The following NDST3 variants were observed in gnomAD, a reference collection of about 807,000 sequenced individuals.
NDST3 encodes the protein N-deacetylase and N-sulfotransferase 3, also known as bifunctional heparan sulfate N-deacetylase/N-sulfotransferase 3.
NDST3 carries 58 observed loss-of-function variants against 96.1 expected under a neutral mutation model. The ratio of observed to expected loss-of-function variants is 0.60; its 90% CI spans 0.49 to 0.75. The LOEUF (loss-of-function observed/expected upper bound fraction) is 0.75, where lower values mean the gene tolerates loss of function less well. NDST3 is among the 30% of genes least tolerant of loss of function. The pLI is 0.00. For synonymous variants in NDST3, 333 were observed against 359.7 expected, an observed-to-expected ratio of 0.93 and a Z score of 0.84; for missense variants, 788 against 1,034.2, an observed-to-expected ratio of 0.76 and a Z score of 3.27.
intron 2 of NDST3, among the ~76,000 whole-genome samples, chr4:118,088,961 A>G (rs958426493): frequency 3.3e-5 from 5 of 151,960 alleles, no homozygotes; most frequent in African/African-American, 9.7e-5. Context: ...GGTCTACTCA[A>G]TTAAAGCAAT....
chr4:118,242,178 A>G, intron 12 of NDST3, 29 bp downstream of exon 12: 2 of 1,424,528 alleles, frequency 1.4e-6, no homozygotes, highest in South Asian at 1.2e-5. Context: ...TAGTTTATTG[A>G]CATTTCAGCA....
At chr4:118,100,401 C>T (rs1421897232) in intron 2 of NDST3, among the ~76,000 whole-genome samples, 2 of 151,986 alleles carry the variant, frequency 1.3e-5, no homozygotes, top group Non-Finnish European at 2.9e-5. Flanking sequence ...CTCCAGCTTG[C>T]CTCCACAACC....
chr4:118,209,057 G>A (rs1344928974), intron 6 of NDST3, among the ~76,000 whole-genome samples: 3 of 151,990 alleles, frequency 2.0e-5, no homozygotes, highest in African/African-American at 7.3e-5. Context: ...TTTTCATGTA[G>A]GTCAATTTTC....
At chr4:118,059,082 CCT>C (rs1452525134) in intron 2 of NDST3, among the ~76,000 whole-genome samples, 1 of 152,070 alleles carries the variant, frequency 6.6e-6, no homozygotes, top group Admixed American at 6.6e-5. Context: ...TCTCTCCCTT[CCT>C]CTCTCTCTTT....
rs11933599 is a variant in NDST3 at position 118,151,889 on chromosome 4, G to A, written c.1539+8205G>A. Among the ~76,000 whole-genome samples, 897 of 152,068 alleles carry A rather than the reference G, an allele frequency of 5.9e-3. 12 individuals carry two copies. The highest frequency in any genetic ancestry group is 0.02 in the African/African-American group (836 of 41,476). ...ACTCTGATTTAGAGGCCCCTCCTGC[G>A]TTTCTATAGCATCCTCTGCAGACTC... On this transcript the variant is annotated intron_variant, in intron 6 of 13. Transcript: ENST00000296499.
intron 10 of NDST3, 140 bp from the exon 11 acceptor site, chr4:118,240,384 C>T: frequency 1.6e-6 from 1 of 620,552 alleles, no homozygotes. Flanking sequence ...ACATTTTCTT[C>T]CTTTACTAAT....
intron 3 of NDST3, among the ~76,000 whole-genome samples, chr4:118,106,870 C>G (rs1372082195): frequency 1.3e-5 from 2 of 152,060 alleles, no homozygotes; most frequent in Non-Finnish European, 2.9e-5. Flanking sequence ...GCGGGTGGAT[C>G]GCGAGGTCAG....
intron 8 of NDST3, among the ~76,000 whole-genome samples, chr4:118,231,342 A>AC (rs1376338857): frequency 3.0e-5 from 2 of 66,876 alleles, no homozygotes; most frequent in Non-Finnish European, 9.6e-5. Context: ...TCTAAAAAAA[A>AC]ATAAATAAAT....
At chr4:118,138,432 G>A (rs987969078) in intron 5 of NDST3, among the ~76,000 whole-genome samples, 193 bp downstream of exon 5, 2 of 152,078 alleles carry the variant, frequency 1.3e-5, no homozygotes, top group African/African-American at 4.8e-5. Flanking sequence ...AAATATAACT[G>A]AAAAAGGTTT....
At chr4:118,149,766 G>T (rs1200400041) in intron 6 of NDST3, among the ~76,000 whole-genome samples, 13 of 151,610 alleles carry the variant, frequency 8.6e-5, no homozygotes, top group Admixed American at 8.5e-4. Flanking sequence ...CTGCCTAATT[G>T]CCCTGGCCAG....
intron 8 of NDST3, 71 bp downstream of exon 8, chr4:118,227,053 A>G (rs1252981074): frequency 1.9e-6 from 2 of 1,032,500 alleles, no homozygotes; most frequent in Non-Finnish European, 3.0e-6. Context: ...TCTTGTCACA[A>G]TAAGTTCGTA....
intron 6 of NDST3, among the ~76,000 whole-genome samples, chr4:118,218,996 T>A (rs890104527): frequency 1.3e-5 from 2 of 151,664 alleles, no homozygotes; most frequent in Non-Finnish European, 2.9e-5. Flanking sequence ...CAAAGGACCC[T>A]CTTCAAGGAG....
chr4:118,116,700 TACAA>T (rs1007698721), intron 4 of NDST3, among the ~76,000 whole-genome samples: 6 of 151,716 alleles, frequency 4.0e-5, no homozygotes, highest in African/African-American at 1.5e-4. Context: ...TACTAAAAAA[TACAA>T]ACAATTAGCC....
At chr4:118,066,043 T>C (rs556935617) in intron 2 of NDST3, among the ~76,000 whole-genome samples, 11 of 128,360 alleles carry the variant, frequency 8.6e-5, no homozygotes, top group Admixed American at 9.9e-5. Flanking sequence ...AGTTCTTCAC[T>C]ATTCTTTTGG....
At chr4:118,212,155 G>A (rs1738841744) in intron 6 of NDST3, among the ~76,000 whole-genome samples, 1 of 152,152 alleles carries the variant, frequency 6.6e-6, no homozygotes, top group South Asian at 2.1e-4. Flanking sequence ...TTTGGAATTT[G>A]TATGATGACC....
chr4:118,228,637 T>C (rs1256900025), intron 8 of NDST3, among the ~76,000 whole-genome samples: 4 of 152,198 alleles, frequency 2.6e-5, no homozygotes, highest in South Asian at 2.1e-4. Flanking sequence ...AAATGTACAA[T>C]TAGCTGAATT....
chr4:118,086,165 TTC>T (rs1728402108), intron 2 of NDST3, among the ~76,000 whole-genome samples: 1 of 152,198 alleles, frequency 6.6e-6, no homozygotes, highest in Non-Finnish European at 1.5e-5. Context: ...TTCTGTCCCT[TTC>T]ACGCAATGTA....
intron 6 of NDST3, among the ~76,000 whole-genome samples, chr4:118,179,605 C>A (rs896109173): frequency 1.3e-5 from 2 of 151,916 alleles, no homozygotes; most frequent in Admixed American, 1.3e-4. Context: ...TAGCCTTAAA[C>A]CTATTATTGT....
chr4:118,227,956 A>C (rs536877416), intron 8 of NDST3, among the ~76,000 whole-genome samples: 16 of 152,296 alleles, frequency 1.1e-4, no homozygotes, highest in Non-Finnish European at 1.9e-4. Flanking sequence ...ATGAAGCATC[A>C]TGGAAGCTTT....
Sources: allele counts gnomAD v4.1 joint callset (sites outside exome capture counted in the v4.1 genomes callset), GRCh38; gene constraint gnomAD v4.1.1; transcripts MANE v1.5; gene names NCBI Gene and HGNC (gene_info 2026-07-23, HGNC 2026-07-21).